Variants in EPS15 observed in about 807,000 individuals in gnomAD.
EPS15 encodes the protein epidermal growth factor receptor pathway substrate 15.
EPS15 carries 72 observed loss-of-function variants against 113.8 expected under a neutral mutation model. The observed-to-expected ratio is 0.63, with a 90% CI of 0.52 to 0.77. The LOEUF is 0.77. EPS15 is among the 30% of genes least tolerant of loss of function. EPS15 has a pLI of 0.00. For synonymous variants in EPS15, 344 were observed against 363.4 expected (o/e 0.95, Z 0.61); for missense variants, 1,048 against 1,045.8 (o/e 1.00, Z -0.03).
chr1:51,462,903 A>G (rs925863545), intron 7 of EPS15, among the ~76,000 whole-genome samples: 1 of 121,866 alleles, frequency 8.2e-6, no homozygotes, highest in Non-Finnish European at 1.7e-5. Context: ...TTTCTAAGAC[A>G]GTCTTGCTTG....
Position 51,462,187 on chromosome 1 carries a change from A to AC in EPS15, c.502-1038dup, listed in dbSNP as rs1654500193. 3 of 152,076 alleles carry AC rather than the reference A, an allele frequency of 2.0e-5. No homozygotes were observed. In the South Asian group the frequency reaches 6.2e-4, roughly 32 times the overall value. 9.4% of individuals were successfully genotyped at this position (152,076 alleles called of 1,614,324 possible). A position where few individuals can be genotyped will look rare whatever the true frequency, so the allele number is the denominator to read the frequency against. On this transcript the variant is annotated intron_variant, in intron 7 of 24. Coordinates refer to ENST00000371733, the MANE Select transcript of EPS15 (RefSeq NM_001981.3). ...AGACCAGCCTGAACAACATGGAGAA[A>AC]CCCCATCTCTACTAAAAATATAAAA... is the stretch of plus-strand genomic sequence containing the variant.
At chr1:51,500,882 G>A (rs556127389) in intron 1 of EPS15, among the ~76,000 whole-genome samples, 9 of 151,820 alleles carry the variant, frequency 5.9e-5, no homozygotes, top group African/African-American at 1.9e-4. Context: ...TACTTGGGAG[G>A]CTGAGGGAGG....
intron 8 of EPS15, among the ~76,000 whole-genome samples, chr1:51,448,802 A>AAAAT (rs914473922): frequency 6.6e-6 from 1 of 152,186 alleles, no homozygotes; most frequent in African/African-American, 2.4e-5. Flanking sequence ...TAGCATCAAA[A>AAAAT]AAATAAATAA....
At chr1:51,412,681 G>A (rs1207604785) in intron 13 of EPS15, among the ~76,000 whole-genome samples, 1 of 152,106 alleles carries the variant, frequency 6.6e-6, no homozygotes, top group Non-Finnish European at 1.5e-5. Context: ...TATGCACATG[G>A]CATTGGCTCT....
chr1:51,357,407 T>A (rs1411637248), intron 24 of EPS15, among the ~76,000 whole-genome samples: 15 of 55,598 alleles, frequency 2.7e-4, no homozygotes, highest in African/African-American at 1.3e-3. Flanking sequence ...TATATATATA[T>A]ATATATATAT....
intron 20 of EPS15, among the ~76,000 whole-genome samples, chr1:51,395,722 A>G (rs1414750473): frequency 6.6e-6 from 1 of 152,246 alleles, no homozygotes; most frequent in African/African-American, 2.4e-5. Context: ...CAAATTGTAT[A>G]TCTAGGAAGA....
intron 1 of EPS15, among the ~76,000 whole-genome samples, chr1:51,485,246 T>C (rs560226715): frequency 2.8e-4 from 42 of 152,332 alleles, no homozygotes; most frequent in Non-Finnish European, 5.4e-4. Context: ...CTGAATACAA[T>C]AAAATAGTGC....
At chr1:51,484,915 T>C (rs1570405250) in intron 1 of EPS15, among the ~76,000 whole-genome samples, 2 of 152,232 alleles carry the variant, frequency 1.3e-5, no homozygotes, top group Admixed American at 1.3e-4. Flanking sequence ...ATGAAAACTC[T>C]TAGATGGTTT....
At chr1:51,369,534 A>G (rs1034670872) in intron 21 of EPS15, among the ~76,000 whole-genome samples, 1 of 152,224 alleles carries the variant, frequency 6.6e-6, no homozygotes, top group Non-Finnish European at 1.5e-5. Flanking sequence ...TGCTTTGGAA[A>G]AATATATAAA....
intron 21 of EPS15, among the ~76,000 whole-genome samples, chr1:51,382,017 T>C (rs1646952445): frequency 6.6e-6 from 1 of 152,124 alleles, no homozygotes; most frequent in South Asian, 2.1e-4. Context: ...CAAGAGTTTG[T>C]TCTTTGAAAA....
intron 1 of EPS15, among the ~76,000 whole-genome samples, chr1:51,511,760 G>A (rs1644625647): frequency 6.6e-6 from 1 of 152,132 alleles, no homozygotes; most frequent in Admixed American, 6.6e-5. Context: ...ATAAAGTACT[G>A]TAATATAAAC....
At chr1:51,367,266 A>C (rs1201152239) in intron 21 of EPS15, among the ~76,000 whole-genome samples, 1 of 152,164 alleles carries the variant, frequency 6.6e-6, no homozygotes, top group East Asian at 1.9e-4. Context: ...AAGTATATTT[A>C]ACAGGCCAGG....
chr1:51,409,447 A>G (rs1649482193), intron 14 of EPS15, 88 bp downstream of exon 14: 8 of 1,292,106 alleles, frequency 6.2e-6, no homozygotes, highest in African/African-American at 3.0e-5. Flanking sequence ...ACCACCATCA[A>G]TAACAAAAAG....
intron 1 of EPS15, among the ~76,000 whole-genome samples, chr1:51,511,216 C>G (rs539669268): frequency 6.6e-6 from 1 of 150,934 alleles, no homozygotes; most frequent in Non-Finnish European, 1.5e-5. Context: ...GTGATTTGGC[C>G]GGGCGCAGTG....
At chr1:51,439,145 G>A (rs1013191549) in intron 12 of EPS15, among the ~76,000 whole-genome samples, 1 of 152,050 alleles carries the variant, frequency 6.6e-6, no homozygotes, top group Non-Finnish European at 1.5e-5. Flanking sequence ...CAACCCAGTG[G>A]AAATGGAAAC....
intron 1 of EPS15, among the ~76,000 whole-genome samples, chr1:51,506,252 T>G (rs954911483): frequency 2.0e-5 from 3 of 152,214 alleles, no homozygotes; most frequent in Non-Finnish European, 4.4e-5. Flanking sequence ...AGATGGCTCA[T>G]ATTTTTAAAT....
intron 7 of EPS15, among the ~76,000 whole-genome samples, chr1:51,462,971 G>T (rs897545127): frequency 4.0e-5 from 6 of 149,512 alleles, no homozygotes; most frequent in African/African-American, 1.5e-4. Context: ...CTGCCTCCTG[G>T]GTTCACGCGA....
intron 15 of EPS15, among the ~76,000 whole-genome samples, chr1:51,407,201 T>C (rs572264566): frequency 1.3e-5 from 2 of 152,202 alleles, no homozygotes; most frequent in East Asian, 1.9e-4. Flanking sequence ...CTTTTTTTTT[T>C]AGTTTTTATT....
chr1:51,462,980 G>A (rs1049191239), intron 7 of EPS15, among the ~76,000 whole-genome samples: 2 of 147,582 alleles, frequency 1.4e-5, no homozygotes, highest in African/African-American at 2.5e-5. Flanking sequence ...GGGTTCACGC[G>A]ATTCTTCTGC....
Sources: allele counts gnomAD v4.1 joint callset (sites outside exome capture counted in the v4.1 genomes callset), GRCh38; gene constraint gnomAD v4.1.1; transcripts MANE v1.5; gene names NCBI Gene and HGNC (gene_info 2026-07-23, HGNC 2026-07-21).